The following VWA3A variants were observed in gnomAD, a reference collection of about 807,000 sequenced individuals.
The protein encoded by VWA3A is von Willebrand factor A domain containing 3A, also known as von Willebrand factor A domain-containing protein 3A.
Under a neutral mutation model 160.4 loss-of-function variants are expected in VWA3A, and 134 were observed. The ratio of observed to expected loss-of-function variants is 0.84; its 90% confidence interval spans 0.73 to 0.96. VWA3A has a LOEUF of 0.96. Among genes scored for constraint, VWA3A ranks in the 40% least tolerant of loss-of-function variants. VWA3A has a pLI of 0.00. For synonymous variants in VWA3A, 476 were observed against 543.4 expected (o/e 0.88, Z 1.72); for missense variants, 1,310 against 1,447.9 (o/e 0.90, Z 1.55).
intron 21 of VWA3A, among the ~76,000 whole-genome samples, chr16:22,137,242 G>T (rs983662264): frequency 3.3e-5 from 5 of 152,130 alleles, no homozygotes; most frequent in African/African-American, 9.7e-5. Context: ...CATTTGAATG[G>T]TGTCTTCTGG....
chr16:22,147,521 C>T (rs1454764101), intron 27 of VWA3A: 1 of 701,156 alleles, frequency 1.4e-6, no homozygotes, highest in East Asian at 2.7e-5. Context: ...TATAGAGATC[C>T]TACAGGTGGC....
chr16:22,144,204 G>A, intron 25 of VWA3A, 43 bp from the exon 26 acceptor site: 1 of 1,569,804 alleles, frequency 6.4e-7, no homozygotes, highest in Non-Finnish European at 8.6e-7. Context: ...ATTCAGTTGA[G>A]TCTGAATTGC....
chr16:22,123,591 A>T, intron 15 of VWA3A, 22 bp from the exon 16 acceptor site: 2 of 1,613,826 alleles, frequency 1.2e-6, no homozygotes, highest in South Asian at 2.2e-5. Flanking sequence ...GCAGCCGCTC[A>T]CTGTGGCCCA....
In VWA3A at chr16:22,133,084, T is replaced by G. The variant is rs761470785; in HGVS notation, c.2057T>G (p.Phe686Cys). 1.2e-6 allele frequency: 2 copies of G among 1,612,526 alleles called. No individual in the cohort carries two copies. The change falls in exon 20 of 34, where the codon TTT (phenylalanine) becomes TGT (cysteine). Residue 686 changes from phenylalanine to cysteine, a missense_variant. Coordinates refer to ENST00000389398, the MANE Select transcript of VWA3A (RefSeq NM_173615.5). ...GCTGCAGGTGGCCGCTTCCACTGGT[T>G]TGGAGACACAGGTACATGACTGTTT... ...TRAAGGRFHW[F>C]GDTGIYESDD...
intron 21 of VWA3A, among the ~76,000 whole-genome samples, chr16:22,136,403 G>C (rs1251604284): frequency 2.0e-5 from 3 of 152,084 alleles, no homozygotes; most frequent in African/African-American, 7.2e-5. Context: ...TGAGTTTGTG[G>C]AGCCTGTGAG....
intron 24 of VWA3A, among the ~76,000 whole-genome samples, chr16:22,142,394 G>A (rs1728913679): frequency 6.6e-6 from 1 of 152,072 alleles, no homozygotes; most frequent in African/African-American, 2.4e-5. Context: ...GCTGGCATGT[G>A]CAGAGATCAC....
chr16:22,140,341 C>T, intron 23 of VWA3A, 97 bp downstream of exon 23: 2 of 1,186,518 alleles, frequency 1.7e-6, no homozygotes. Context: ...CGTGTGGAAG[C>T]TCGTGCCTAT....
chr16:22,104,761 T>G (rs2045457892), intron 6 of VWA3A, among the ~76,000 whole-genome samples: 1 of 152,192 alleles, frequency 6.6e-6, no homozygotes, highest in Non-Finnish European at 1.5e-5. Flanking sequence ...ATGAACACTT[T>G]GATTTGCTTT....
chr16:22,152,413 T>A, intron 30 of VWA3A, 98 bp from the exon 31 acceptor site: 1 of 1,487,024 alleles, frequency 6.7e-7, no homozygotes, highest in Non-Finnish European at 9.0e-7. Context: ...TGATTTCTCT[T>A]AAGCCCCACG....
chr16:22,134,547 T>G, intron 21 of VWA3A, 109 bp downstream of exon 21: 3 of 924,664 alleles, frequency 3.2e-6, no homozygotes, highest in Non-Finnish European at 4.8e-6. Context: ...ATTGATTCTC[T>G]CACTTCCAGA....
intron 1 of VWA3A, among the ~76,000 whole-genome samples, chr16:22,094,109 A>G (rs961906278): frequency 1.3e-5 from 2 of 151,804 alleles, no homozygotes; most frequent in African/African-American, 4.8e-5. Context: ...TGTTTTGTTT[A>G]TTTTATGCAG....
intron 12 of VWA3A, among the ~76,000 whole-genome samples, chr16:22,119,520 A>C (rs1463041249): frequency 1.3e-5 from 2 of 152,176 alleles, no homozygotes; most frequent in Non-Finnish European, 2.9e-5. Context: ...AAGATTAAAA[A>C]ATTAGCCAGG....
At chr16:22,144,455 A>G in intron 26 of VWA3A, 71 bp downstream of exon 26, 3 of 1,567,600 alleles carry the variant, frequency 1.9e-6, no homozygotes, top group Non-Finnish European at 1.7e-6. Flanking sequence ...AGAGCAGTGT[A>G]GGGCACTGTG....
intron 20 of VWA3A, among the ~76,000 whole-genome samples, chr16:22,133,432 G>A (rs553965135): frequency 2.0e-5 from 3 of 151,962 alleles, no homozygotes; most frequent in South Asian, 4.1e-4. Context: ...TGGTCAGATC[G>A]CTTGAGATCA....
Position 22,123,067 on chromosome 16 carries a change from G to A in VWA3A, c.1357-18G>A. 6.3e-7 allele frequency: 1 copy of A among 1,584,526 alleles called. No homozygotes were observed. Among genetic ancestry groups the A allele is most frequent in the Non-Finnish European group, 8.6e-7 (1 of 1,163,876 alleles). ...CTTCTGTTCGCCTGCTCACCCTCCT[G>A]CCCATGCCTGAGTATAGAAGGCAAT... is the stretch of plus-strand genomic sequence containing the variant. On this transcript the variant is annotated intron_variant, in intron 14 of 33. Coordinates refer to ENST00000389398, the MANE Select transcript of VWA3A (RefSeq NM_173615.5).
intron 20 of VWA3A, among the ~76,000 whole-genome samples, chr16:22,133,987 G>A (rs1055079713): frequency 1.3e-5 from 2 of 151,756 alleles, no homozygotes; most frequent in Non-Finnish European, 2.9e-5. Context: ...TTTTAGAGAC[G>A]GGGTCTCCCT....
rs140948197 is a variant in VWA3A, at chr16:22,149,136, G to C, written c.2985-651G>C. ...GAGCCCGTGAGGTGTTGCTGTTATCGGCCCCCATTTTTCAGAAAAGGAAGC... is the reference window on the plus strand; with the variant it reads ...GAGCCCGTGAGGTGTTGCTGTTATCCGCCCCCATTTTTCAGAAAAGGAAGC... On this transcript the variant is annotated intron_variant, in intron 28 of 33. Coordinates refer to ENST00000389398, the MANE Select transcript of VWA3A (RefSeq NM_173615.5). Among the ~76,000 whole-genome samples the C allele has an allele frequency of 3.0e-3, 461 of 152,118 alleles. 3 individuals carry two copies. The highest frequency in any genetic ancestry group is 0.02 in the South Asian group (97 of 4,822).
chr16:22,093,792 TCTCA>T (rs1901426278), intron 1 of VWA3A, among the ~76,000 whole-genome samples: 1 of 151,994 alleles, frequency 6.6e-6, no homozygotes, highest in African/African-American at 2.4e-5. Context: ...TGAGACAGAG[TCTCA>T]CTCCAACACC....
intron 11 of VWA3A, among the ~76,000 whole-genome samples, chr16:22,117,973 A>G (rs936251762): frequency 6.6e-6 from 1 of 152,178 alleles, no homozygotes; most frequent in Non-Finnish European, 1.5e-5. Context: ...GGTTTAAGAA[A>G]TATTTTATCT....
Sources: gnomAD v4.1 joint callset for allele counts (sites outside exome capture counted in the v4.1 genomes callset) on GRCh38, gnomAD v4.1.1 for gene constraint, MANE v1.5 for transcripts, NCBI Gene and HGNC (gene_info 2026-07-23, HGNC 2026-07-21) for gene names.